UBR1: variants seen among roughly 807,000 people sequenced by gnomAD.
The protein encoded by UBR1 is E3 ubiquitin-protein ligase UBR1.
In UBR1, 102 loss-of-function variants were observed where a neutral mutation model predicts 242.1. The ratio of observed to expected loss-of-function variants is 0.42; its 90% CI spans 0.36 to 0.50. The LOEUF (loss-of-function observed/expected upper bound fraction) is 0.50, where lower values mean the gene tolerates loss of function less well. UBR1 is among the 20% of genes least tolerant of loss of function. The pLI is 0.01. For synonymous variants in UBR1, 675 were observed against 684.8 expected (o/e 0.99, Z 0.22); for missense variants, 1,772 against 2,101.8 (o/e 0.84, Z 3.07).
chr15:42,994,848 CTTGAG>C (rs2032611497), intron 33 of UBR1, among the ~76,000 whole-genome samples: 1 of 152,206 alleles, frequency 6.6e-6, no homozygotes, highest in Non-Finnish European at 1.5e-5. Context: ...GATTAATCTT[CTTGAG>C]TTATCTCCTC....
chr15:42,962,259 G>T (rs955996673), intron 42 of UBR1, among the ~76,000 whole-genome samples: 2 of 152,106 alleles, frequency 1.3e-5, no homozygotes, highest in Non-Finnish European at 2.9e-5. Flanking sequence ...TGATGGAAGG[G>T]CTGAGAAGCC....
chr15:43,081,417 C>CAA (rs71108197), intron 3 of UBR1, among the ~76,000 whole-genome samples: 23 of 69,684 alleles, frequency 3.3e-4, no homozygotes, highest in East Asian at 8.1e-4. Context: ...CACCCCATCT[C>CAA]AAAAAAAAAA....
chr15:43,010,454 T>C (rs2032906060), intron 29 of UBR1, among the ~76,000 whole-genome samples: 1 of 152,088 alleles, frequency 6.6e-6, no homozygotes, highest in South Asian at 2.1e-4. Flanking sequence ...GATATGGACA[T>C]AATACTATCA....
rs142290993 is a variant in UBR1 at position 42,978,320 on chromosome 15, T to C, written c.4151-373A>G. 1.7e-3 allele frequency among the ~76,000 whole-genome samples: 253 copies of C among 152,332 alleles called. 1 individual carries two copies. In the Middle Eastern group the frequency reaches 0.027, roughly 16 times the overall value. ...CCATTTCTAAACGTTCTGTGATACA[T>C]AATATGTGAACAAAATTGGGGTTGT... On this transcript the variant is annotated intron_variant, in intron 37 of 46. Coordinates refer to ENST00000290650, the MANE Select transcript of UBR1 (RefSeq NM_174916.3).
chr15:43,008,422 G>A (rs1469222135), intron 29 of UBR1, among the ~76,000 whole-genome samples: 2 of 152,280 alleles, frequency 1.3e-5, no homozygotes, highest in Non-Finnish European at 2.9e-5. Context: ...TGACATGTCA[G>A]CCCCCTCCTG....
chr15:43,012,346 A>G (rs1015405536), intron 29 of UBR1, among the ~76,000 whole-genome samples: 2 of 152,236 alleles, frequency 1.3e-5, no homozygotes, highest in Admixed American at 6.5e-5. Context: ...AAACCACTAG[A>G]AAACACGAAA....
intron 1 of UBR1, among the ~76,000 whole-genome samples, chr15:43,094,118 G>A (rs2034133722): frequency 6.6e-6 from 1 of 152,030 alleles, no homozygotes; most frequent in South Asian, 2.1e-4. Context: ...TCCTTATCCT[G>A]AGCACTAAAC....
At chr15:42,950,420 A>G (rs770617363) in intron 45 of UBR1, 57 bp from the exon 46 acceptor site, 1 of 1,463,676 alleles carries the variant, frequency 6.8e-7, no homozygotes, top group Non-Finnish European at 9.6e-7. Flanking sequence ...AATGATAGGC[A>G]CTGCATCAAT....
At chr15:43,097,468 T>C (rs749658049) in intron 1 of UBR1, among the ~76,000 whole-genome samples, 8 of 152,252 alleles carry the variant, frequency 5.3e-5, no homozygotes, top group Non-Finnish European at 1.2e-4. Flanking sequence ...AAGCCAGGCA[T>C]TGACTTCTCT....
At chr15:42,951,514 C>T (rs1365080692) in intron 45 of UBR1, among the ~76,000 whole-genome samples, 4 of 152,028 alleles carry the variant, frequency 2.6e-5, no homozygotes, top group Admixed American at 1.3e-4. Context: ...AGAGCCACCG[C>T]GCCCGGCCAT....
At chr15:42,977,853 A>T (rs1314458089) in intron 38 of UBR1, 27 bp downstream of exon 38, 9 of 1,571,124 alleles carry the variant, frequency 5.7e-6, no homozygotes, top group Non-Finnish European at 7.9e-6. Flanking sequence ...AACATGAGTG[A>T]CTTAAACAAA....
At chr15:43,033,227 A>G (rs981781636) in intron 19 of UBR1, among the ~76,000 whole-genome samples, 3 of 152,164 alleles carry the variant, frequency 2.0e-5, no homozygotes, top group Admixed American at 6.5e-5. Context: ...GAAATTTTAT[A>G]TGAGGCCAGG....
chr15:43,043,225 C>G lies in UBR1; in HGVS notation c.1839G>C (p.Arg613Ser). The change falls in exon 15 of 47, where the codon AGG (arginine) becomes AGC (serine). Residue 613 changes from arginine (R) to serine (S), a missense_variant. By Grantham distance (110) the Arg-to-Ser change is moderately radical (BLOSUM62 -1). Around this residue, in one of 3 missense-constraint regions of UBR1, gnomAD observed 734 missense variants for 893.3 expected, o/e 0.82. Coordinates refer to ENST00000290650, the MANE Select transcript of UBR1 (RefSeq NM_174916.3). ...AAAACAAACACTCACCAGCAAGGGT[C>G]CTAGAGAGTGGCAGATGTATGCTTA... ...DLVSIHLPLSRTLAGLHVRLS... is the reference protein window; with the variant it reads ...DLVSIHLPLSSTLAGLHVRLS... 1.2e-6 allele frequency: 2 copies of G among 1,614,108 alleles called. No homozygotes were observed. Among genetic ancestry groups the G allele is most frequent in the Non-Finnish European group, 1.7e-6 (2 of 1,180,020 alleles).
chr15:43,104,843 T>C (rs1240647661), intron 1 of UBR1, among the ~76,000 whole-genome samples: 1 of 151,564 alleles, frequency 6.6e-6, no homozygotes, highest in Non-Finnish European at 1.5e-5. Flanking sequence ...CTAATAAAAA[T>C]AAAAATAAAA....
intron 25 of UBR1, among the ~76,000 whole-genome samples, chr15:43,023,283 A>C (rs1034802166): frequency 6.6e-6 from 1 of 152,148 alleles, no homozygotes; most frequent in African/African-American, 2.4e-5. Context: ...GAAATGATGA[A>C]TACACATATG....
intron 43 of UBR1, 151 bp from the exon 44 acceptor site, chr15:42,958,241 A>G: frequency 1.6e-6 from 1 of 643,100 alleles, no homozygotes; most frequent in East Asian, 2.7e-5. Flanking sequence ...ATCAAATCCA[A>G]ACTTCTCAGC....
chr15:43,096,677 T>A (rs866077612), intron 1 of UBR1, among the ~76,000 whole-genome samples: 1 of 152,226 alleles, frequency 6.6e-6, no homozygotes, highest in African/African-American at 2.4e-5. Context: ...CACAGCATCT[T>A]CACCAAAAGT....
chr15:43,007,219 T>C lies in UBR1; in HGVS notation c.3275A>G (p.Glu1092Gly). 1 of 1,614,136 alleles carries C rather than the reference T, an allele frequency of 6.2e-7. No homozygotes were observed. The highest frequency in any genetic ancestry group is 8.5e-7 in the Non-Finnish European group (1 of 1,180,028). Residue 1092 changes from glutamate (E) to glycine (G), a missense_variant, in exon 30 of 47, where the codon GAA becomes GGA. By Grantham distance (98) the Glu-to-Gly change is moderately conservative (BLOSUM62 -2). Transcript: ENST00000290650. ...AAGGATGCACGTCAGCACCTCCTTT[T>C]CAGTAACAGATGGACCCCGTTTAGG... Reference protein sequence around the residue: ...LGPKRGPSVTEKEVLTCILCQ... With the variant: ...LGPKRGPSVTGKEVLTCILCQ...
At chr15:43,071,886 A>G (rs1399857057) in intron 4 of UBR1, among the ~76,000 whole-genome samples, 1 of 152,256 alleles carries the variant, frequency 6.6e-6, no homozygotes, top group Non-Finnish European at 1.5e-5. Flanking sequence ...ATAACAAAAA[A>G]AGCAGAAAAT....
Sources: allele counts gnomAD v4.1 joint callset (sites outside exome capture counted in the v4.1 genomes callset), GRCh38; gene constraint gnomAD v4.1.1; regional missense constraint gnomAD v4.1.1; transcripts MANE v1.5; gene names NCBI Gene and HGNC (gene_info 2026-07-23, HGNC 2026-07-21).